LUZP2: variants seen among roughly 807,000 people sequenced by gnomAD.
LUZP2 encodes leucine zipper protein 2.
In LUZP2, 52 loss-of-function variants were observed where a neutral mutation model predicts 51.6. That is an observed-to-expected ratio of 1.01 (90% CI 0.81 to 1.27). LUZP2 has a LOEUF of 1.27. Ranked by LOEUF, LUZP2 falls within the 50% of genes most tolerant of loss-of-function variation. The pLI is 0.00. For missense variants in LUZP2, 436 were observed against 395.4 expected (o/e 1.10, Z -0.87); for synonymous variants, 154 against 137.3 (o/e 1.12, Z -0.85).
At chr11:25,058,819 A>G (rs1455891358) in intron 10 of LUZP2, among the ~76,000 whole-genome samples, 8 of 152,250 alleles carry the variant, frequency 5.3e-5, no homozygotes, top group African/African-American at 1.9e-4. Flanking sequence ...TACATTCTCA[A>G]TCTTTTGACT....
intron 5 of LUZP2, among the ~76,000 whole-genome samples, chr11:24,887,596 C>G (rs1852711764): frequency 1.3e-5 from 2 of 152,130 alleles, no homozygotes; most frequent in Non-Finnish European, 2.9e-5. Flanking sequence ...GTTGTATACA[C>G]TGGAAATTGT....
chr11:24,991,055 T>C lies in LUZP2; in HGVS notation c.765+7762T>C, dbSNP rs56030375. On this transcript the variant is annotated intron_variant, in intron 9 of 11. Transcript: ENST00000336930. ...TCTTTAGCAGTGATTTGTGAGATTT[T>C]GGTGCACCCATCAACAGAGCAGTAT... 2.1e-3 allele frequency among the ~76,000 whole-genome samples: 321 copies of C among 152,140 alleles called. 1 individual carries two copies. Among genetic ancestry groups the C allele is most frequent in the African/African-American group, 7.5e-3 (312 of 41,550 alleles).
At chr11:25,015,854 T>G (rs1235622213) in intron 9 of LUZP2, among the ~76,000 whole-genome samples, 1 of 152,098 alleles carries the variant, frequency 6.6e-6, no homozygotes, top group African/African-American at 2.4e-5. Context: ...ATCAGTGGGT[T>G]TTGGTTACAT....
intron 5 of LUZP2, among the ~76,000 whole-genome samples, chr11:24,905,085 T>C (rs972525081): frequency 2.0e-5 from 3 of 152,112 alleles, no homozygotes; most frequent in African/African-American, 4.8e-5. Context: ...CAATTACATA[T>C]GCATCCTACA....
At chr11:24,530,629 C>T (rs764351763) in intron 1 of LUZP2, among the ~76,000 whole-genome samples, 12 of 150,884 alleles carry the variant, frequency 8.0e-5, no homozygotes, top group South Asian at 6.2e-4. Flanking sequence ...TGGCTTGTCT[C>T]ACTTTCATTA....
intron 5 of LUZP2, among the ~76,000 whole-genome samples, chr11:24,822,391 G>T (rs938469693): frequency 1.3e-5 from 2 of 152,062 alleles, no homozygotes; most frequent in Admixed American, 1.3e-4. Context: ...TGCATGTTTT[G>T]TATATATCCT....
At chr11:24,946,790 A>G (rs1402186524) in intron 7 of LUZP2, among the ~76,000 whole-genome samples, 2 of 151,966 alleles carry the variant, frequency 1.3e-5, no homozygotes, top group Admixed American at 6.6e-5. Flanking sequence ...TGTGAATTCA[A>G]ATTACAAATT....
intron 9 of LUZP2, among the ~76,000 whole-genome samples, chr11:25,018,638 C>T (rs1857237335): frequency 7.7e-6 from 1 of 129,956 alleles, no homozygotes; most frequent in Non-Finnish European, 1.6e-5. Flanking sequence ...AAGACACTCT[C>T]ACTCTGTTGC....
chr11:25,013,269 A>G (rs1857032922), intron 9 of LUZP2, among the ~76,000 whole-genome samples: 1 of 152,068 alleles, frequency 6.6e-6, no homozygotes, highest in African/African-American at 2.4e-5. Flanking sequence ...ATGGGTACAA[A>G]CATACACTTA....
chr11:24,931,186 G>C (rs376325878), intron 7 of LUZP2, among the ~76,000 whole-genome samples: 3 of 150,794 alleles, frequency 2.0e-5, no homozygotes, highest in Non-Finnish European at 4.4e-5. Flanking sequence ...ACTCCAGTCT[G>C]ATGACAGAGT....
chr11:24,502,374 A>G (rs1850021726), intron 1 of LUZP2, among the ~76,000 whole-genome samples: 1 of 137,008 alleles, frequency 7.3e-6, no homozygotes, highest in Non-Finnish European at 1.6e-5. Flanking sequence ...TTTTTTCCAA[A>G]GTATTTTGTT....
chr11:24,844,925 T>C (rs1851151258), intron 5 of LUZP2, among the ~76,000 whole-genome samples: 1 of 152,184 alleles, frequency 6.6e-6, no homozygotes, highest in Non-Finnish European at 1.5e-5. Context: ...AGGTGGAAGT[T>C]TGCTGCAGGG....
intron 1 of LUZP2, among the ~76,000 whole-genome samples, chr11:24,549,067 T>C (rs1851645783): frequency 6.6e-6 from 1 of 152,030 alleles, no homozygotes; most frequent in African/African-American, 2.4e-5. Context: ...TTTTTTACTC[T>C]ATACACTTTT....
chr11:24,966,009 T>C (rs34113945), intron 7 of LUZP2, among the ~76,000 whole-genome samples: 2,201 of 151,928 alleles, frequency 0.014, 22 homozygotes, highest in Non-Finnish European at 0.023. Flanking sequence ...GAGTAATTTT[T>C]AGATATTCTT....
intron 4 of LUZP2, among the ~76,000 whole-genome samples, chr11:24,742,011 A>C (rs1859193512): frequency 2.4e-5 from 3 of 126,326 alleles, no homozygotes; most frequent in African/African-American, 1.1e-4. Context: ...ATTATATATA[A>C]ATATAATTAT....
chr11:24,836,682 A>T lies in LUZP2; in HGVS notation c.397-69309A>T, dbSNP rs186339843. Among the ~76,000 whole-genome samples, 709 of 152,000 alleles carry T rather than the reference A, an allele frequency of 4.7e-3. 6 individuals are homozygous for T. Among genetic ancestry groups the T allele is most frequent in the African/African-American group, 0.016 (677 of 41,566 alleles). On this transcript the variant is annotated intron_variant, in intron 5 of 11. Transcript: ENST00000336930. ...TACTACACAAGGGAACTGATTTGTA[A>T]TCTTCAAAAATATCAAGGTTATGAA... is the stretch of plus-strand genomic sequence containing the variant.
intron 5 of LUZP2, among the ~76,000 whole-genome samples, chr11:24,901,134 G>A (rs1344418409): frequency 2.6e-5 from 4 of 152,008 alleles, no homozygotes; most frequent in Non-Finnish European, 4.4e-5. Context: ...TCTTTAGTAC[G>A]ACAGTCTGGC....
At chr11:24,600,174 A>AACACAC (rs61439379) in intron 1 of LUZP2, among the ~76,000 whole-genome samples, 37 of 144,274 alleles carry the variant, frequency 2.6e-4, no homozygotes, top group African/African-American at 9.3e-4. Context: ...TGTAGATTAC[A>AACACAC]ACACACACAC....
At chr11:24,702,242 A>G (rs1857441011) in intron 1 of LUZP2, among the ~76,000 whole-genome samples, 1 of 152,212 alleles carries the variant, frequency 6.6e-6, no homozygotes, top group African/African-American at 2.4e-5. Context: ...AATCACTGGA[A>G]TAACTTTAAA....
Sources: allele counts gnomAD v4.1 joint callset (sites outside exome capture counted in the v4.1 genomes callset), GRCh38; gene constraint gnomAD v4.1.1; transcripts MANE v1.5; gene names NCBI Gene and HGNC (gene_info 2026-07-23, HGNC 2026-07-21).